The following PDGFRL variants were observed in gnomAD, a reference collection of about 807,000 sequenced individuals.
PDGFRL encodes the protein platelet-derived growth factor receptor-like protein.
In PDGFRL, 46 loss-of-function variants were observed where a neutral mutation model predicts 37.2. That is an observed-to-expected ratio of 1.24 (90% CI 0.98 to 1.58). The LOEUF (loss-of-function observed/expected upper bound fraction) is 1.58, where lower values mean the gene tolerates loss of function less well. PDGFRL is among the 40% of genes most tolerant of loss of function. The pLI is 0.00. For missense variants in PDGFRL, 692 were observed against 467.6 expected, an observed-to-expected ratio of 1.48 and a Z score of -4.43; for synonymous variants, 251 against 184.3, an observed-to-expected ratio of 1.36 and a Z score of -2.93.
intron 1 of PDGFRL, among the ~76,000 whole-genome samples, chr8:17,588,850 G>A (rs1335428529): frequency 6.6e-6 from 1 of 152,162 alleles, no homozygotes; most frequent in African/African-American, 2.4e-5. Context: ...TTGTGTGACT[G>A]CTTGGAGACT....
chr8:17,585,477 C>T (rs1389822371), intron 1 of PDGFRL, among the ~76,000 whole-genome samples: 9 of 152,136 alleles, frequency 5.9e-5, no homozygotes, highest in South Asian at 4.1e-4. Context: ...TCCATAGTAT[C>T]GCTTTCCCAC....
intron 4 of PDGFRL, among the ~76,000 whole-genome samples, chr8:17,632,619 G>T (rs1449921639): frequency 6.6e-6 from 1 of 152,224 alleles, no homozygotes; most frequent in Admixed American, 6.5e-5. Flanking sequence ...TTACAGGAGT[G>T]AGCCACTGTG....
chr8:17,624,555 C>G (rs145855265), intron 3 of PDGFRL, among the ~76,000 whole-genome samples: 12 of 152,294 alleles, frequency 7.9e-5, no homozygotes, highest in African/African-American at 2.2e-4. Context: ...AGCAGCAGAG[C>G]TTTCTCATAG....
intron 3 of PDGFRL, among the ~76,000 whole-genome samples, chr8:17,623,310 T>G (rs995562245): frequency 2.0e-5 from 3 of 152,192 alleles, no homozygotes; most frequent in African/African-American, 7.2e-5. Context: ...TGCTAATAAT[T>G]GTTCATAGGC....
intron 1 of PDGFRL, among the ~76,000 whole-genome samples, chr8:17,587,999 T>G (rs1307162212): frequency 1.3e-5 from 2 of 152,062 alleles, no homozygotes; most frequent in Non-Finnish European, 2.9e-5. Flanking sequence ...CTGAGATTTT[T>G]AGAGTCCGGT....
At chr8:17,611,960 A>G (rs1024536050) in intron 2 of PDGFRL, among the ~76,000 whole-genome samples, 1 of 152,136 alleles carries the variant, frequency 6.6e-6, no homozygotes, top group Non-Finnish European at 1.5e-5. Flanking sequence ...GTAAGAAGGA[A>G]GGCTTGCTAA....
chr8:17,630,308 C>T (rs1804835830), intron 4 of PDGFRL, among the ~76,000 whole-genome samples: 1 of 152,198 alleles, frequency 6.6e-6, no homozygotes, highest in African/African-American at 2.4e-5. Context: ...CTACTTCTTT[C>T]AATGTGGCCA....
chr8:17,596,291 G>C (rs1804050508), intron 2 of PDGFRL: 3 of 1,125,002 alleles, frequency 2.7e-6, no homozygotes, highest in African/African-American at 1.6e-5. Flanking sequence ...CCACTGGCCA[G>C]ATCGGCTGCC....
intron 1 of PDGFRL, among the ~76,000 whole-genome samples, chr8:17,588,676 C>T (rs752322885): frequency 7.9e-5 from 12 of 152,070 alleles, no homozygotes; most frequent in Admixed American, 2.0e-4. Flanking sequence ...CCGTTTCTAA[C>T]GTTAAACACA....
rs200427421 is a variant in PDGFRL at position 17,628,805 on chromosome 8, A to G, written c.799+25A>G. The G allele has an allele frequency of 4.0e-5, 63 of 1,565,674 alleles. No individual in the cohort carries two copies. In the African/African-American group the frequency reaches 7.5e-4, roughly 19 times the overall value. On this transcript the variant is annotated intron_variant, in intron 4 of 5. Coordinates refer to ENST00000251630, the MANE Select transcript of PDGFRL (RefSeq NM_001372073.1). ...GGTAAGCCTGGCCACCCCTGCCTAG[A>G]TTCTAGTTAGTCCCCTGGTCAGTTT...
rs150855714 is a variant in PDGFRL at position 17,621,165 on chromosome 8, C to T, written c.468C>T (p.Asp156=). 1.4e-5 allele frequency: 23 copies of T among 1,610,404 alleles called. No individual in the cohort carries two copies. The highest frequency in any genetic ancestry group is 5.0e-5 in the Admixed American group (3 of 59,792). Residue 156 remains aspartate (D), a synonymous_variant, in exon 3 of 6, where the codon GAC becomes GAT. Transcript: ENST00000251630. ...QLCSGYICRK[D]EAKTGSTYIF... is the part of the protein sequence containing the mutation. ...GCAGCGGCTACATCTGCAGGAAGGA[C>T]GAGGCCAAAACGGGCTCCACCTACA...
intron 2 of PDGFRL, among the ~76,000 whole-genome samples, chr8:17,618,827 A>G (rs571241039): frequency 6.6e-6 from 1 of 152,298 alleles, no homozygotes; most frequent in East Asian, 1.9e-4. Context: ...CATCTAGTGT[A>G]ATGACAGGAA....
chr8:17,628,055 G>A (rs576561159), intron 3 of PDGFRL, among the ~76,000 whole-genome samples: 14 of 140,208 alleles, frequency 1.0e-4, no homozygotes, highest in Non-Finnish European at 2.0e-4. Context: ...GTGCAGTGGC[G>A]CTATCTCGGC....
chr8:17,580,726 G>A (rs957671571), intron 1 of PDGFRL, among the ~76,000 whole-genome samples: 4 of 152,152 alleles, frequency 2.6e-5, no homozygotes, highest in Admixed American at 6.5e-5. Flanking sequence ...CTTTAAAACC[G>A]CAGAAGTTTG....
chr8:17,617,641 T>A (rs1301045362), intron 2 of PDGFRL, among the ~76,000 whole-genome samples: 1 of 152,194 alleles, frequency 6.6e-6, no homozygotes, highest in Non-Finnish European at 1.5e-5. Flanking sequence ...TTGTTTCCTG[T>A]TTTATATTGT....
chr8:17,638,788 A>AATATATATATAT (rs1805033168), intron 5 of PDGFRL, among the ~76,000 whole-genome samples: 1 of 71,584 alleles, frequency 1.4e-5, no homozygotes, highest in Non-Finnish European at 2.8e-5. Flanking sequence ...TATATATATA[A>AATATATATATAT]TTGTGATATT....
intron 3 of PDGFRL, among the ~76,000 whole-genome samples, chr8:17,623,945 A>G (rs1190960594): frequency 2.0e-5 from 3 of 151,776 alleles, no homozygotes; most frequent in Non-Finnish European, 4.4e-5. Context: ...AACTGAACTA[A>G]TTTTGGGAAC....
chr8:17,611,224 T>C (rs542392683), intron 2 of PDGFRL, among the ~76,000 whole-genome samples: 16 of 152,308 alleles, frequency 1.1e-4, no homozygotes, highest in South Asian at 2.1e-4. Context: ...TTAAGGTCCC[T>C]CTCAGTTCTG....
chr8:17,622,955 T>C (rs1052835378), intron 3 of PDGFRL, among the ~76,000 whole-genome samples: 18 of 152,180 alleles, frequency 1.2e-4, no homozygotes, highest in Admixed American at 2.6e-4. Context: ...GGGGTATGTT[T>C]AGGCAAGACC....
Sources: gnomAD v4.1 joint callset for allele counts (sites outside exome capture counted in the v4.1 genomes callset) on GRCh38, gnomAD v4.1.1 for gene constraint, MANE v1.5 for transcripts, NCBI Gene and HGNC (gene_info 2026-07-23, HGNC 2026-07-21) for gene names.